COL25A1: variants seen among roughly 807,000 people sequenced by gnomAD.
COL25A1 encodes collagen alpha-1(XXV) chain.
COL25A1 carries 103 observed loss-of-function variants against 128.4 expected under a neutral mutation model. The observed-to-expected ratio is 0.80, with a 90% CI of 0.68 to 0.94. The LOEUF is 0.94. Among genes scored for constraint, COL25A1 ranks in the 40% least tolerant of loss-of-function variants. COL25A1 has a pLI of 0.00. For synonymous variants in COL25A1, 279 were observed against 277.2 expected (o/e 1.01, Z -0.06); for missense variants, 745 against 840.0 (o/e 0.89, Z 1.40).
At chr4:109,173,209 C>T (rs980175135) in intron 3 of COL25A1, among the ~76,000 whole-genome samples, 4 of 151,988 alleles carry the variant, frequency 2.6e-5, no homozygotes, top group African/African-American at 9.7e-5. Flanking sequence ...TTTCAGACCC[C>T]TGAATAGCTA....
intron 3 of COL25A1, among the ~76,000 whole-genome samples, chr4:109,203,530 C>A (rs1016800432): frequency 6.6e-6 from 1 of 151,768 alleles, no homozygotes; most frequent in African/African-American, 2.4e-5. Flanking sequence ...GGGGAAGCTT[C>A]AGGAAAGCAA....
intron 3 of COL25A1, among the ~76,000 whole-genome samples, chr4:109,160,580 C>T (rs543898443): frequency 2.0e-5 from 3 of 152,284 alleles, no homozygotes; most frequent in South Asian, 4.1e-4. Context: ...CTACTACCTA[C>T]AAGATGCCTT....
At chr4:108,895,034 G>C (rs1741966036) in intron 16 of COL25A1, among the ~76,000 whole-genome samples, 1 of 152,092 alleles carries the variant, frequency 6.6e-6, no homozygotes, top group South Asian at 2.1e-4. Context: ...CCCCGTAACA[G>C]AGAATTATCT....
At chr4:109,107,127 A>C (rs1321144849) in intron 3 of COL25A1, among the ~76,000 whole-genome samples, 3 of 152,198 alleles carry the variant, frequency 2.0e-5, no homozygotes, top group African/African-American at 4.8e-5. Context: ...AGTGTAAATC[A>C]TAATGACAAA....
intron 8 of COL25A1, chr4:108,942,164 C>G: frequency 6.5e-7 from 1 of 1,535,328 alleles, no homozygotes; most frequent in Non-Finnish European, 8.8e-7. Flanking sequence ...CACGCTTATG[C>G]TGATTGCATT....
At chr4:109,247,198 C>T (rs946977422) in intron 3 of COL25A1, among the ~76,000 whole-genome samples, 170 of 152,124 alleles carry the variant, frequency 1.1e-3, no homozygotes, top group African/African-American at 4.0e-3. Context: ...ACCCCATCTC[C>T]ACCAAATTAG....
intron 3 of COL25A1, among the ~76,000 whole-genome samples, chr4:109,100,421 A>G (rs1765786933): frequency 6.6e-6 from 1 of 152,002 alleles, no homozygotes. Context: ...TTGTGAGAAA[A>G]AAAAAAAAAG....
At chr4:109,137,982 A>ATGTGTGTGTGTG (rs1418865784) in intron 3 of COL25A1, among the ~76,000 whole-genome samples, 1 of 60,844 alleles carries the variant, frequency 1.6e-5, no homozygotes. Flanking sequence ...TTTTATATAT[A>ATGTGTGTGTGTG]TATGTGTGTG....
rs150571172 is a variant in COL25A1, at chr4:109,255,374, G to C, written c.367+45209C>G. Among the ~76,000 whole-genome samples the C allele has an allele frequency of 3.9e-5, 6 of 152,276 alleles. No homozygotes were observed. In the East Asian group the frequency reaches 1.2e-3, roughly 29 times the overall value. On this transcript the variant is annotated intron_variant, in intron 3 of 37. Transcript: ENST00000399132. ...TGCTAAAACAAACCCAGACCCCACT[G>C]AAGTTGAAAATTTGGTGCAAAGCTC... is the stretch of plus-strand genomic sequence containing the variant.
chr4:109,094,872 A>C (rs1168227172), intron 3 of COL25A1, among the ~76,000 whole-genome samples: 1 of 152,230 alleles, frequency 6.6e-6, no homozygotes, highest in Non-Finnish European at 1.5e-5. Flanking sequence ...AAAACTACAA[A>C]AAGTAAAGCA....
chr4:108,976,162 A>C (rs1752420850), intron 6 of COL25A1, among the ~76,000 whole-genome samples: 1 of 152,110 alleles, frequency 6.6e-6, no homozygotes, highest in Non-Finnish European at 1.5e-5. Flanking sequence ...TTTCCATTTT[A>C]GTTTAGAAGC....
Position 108,852,924 on chromosome 4 carries a change from C to A in COL25A1, c.1322G>T (p.Arg441Met), listed in dbSNP as rs201342548. The A allele has an allele frequency of 2.5e-6, 4 of 1,610,022 alleles. No homozygotes were observed. The East Asian group carries it at 8.9e-5, about 36-fold the overall frequency. Residue 441 changes from arginine (R) to methionine (M), a missense_variant and splice_region_variant, in exon 25 of 38, where the codon AGG (arginine) becomes ATG (methionine). Coordinates refer to ENST00000399132, the MANE Select transcript of COL25A1 (RefSeq NM_198721.4). Reference sequence around the variant, plus strand: ...TACCGTGACAGTTAAGGTGGTAATCCTCTGTTGGGAAAATGTGTTGACAAA... The same window carrying A: ...TACCGTGACAGTTAAGGTGGTAATCATCTGTTGGGAAAATGTGTTGACAAA... ...YNGNLHEALQ[R>M]ITTLTVTGPP...
chr4:109,159,905 T>C (rs974328402), intron 3 of COL25A1, among the ~76,000 whole-genome samples: 2 of 152,004 alleles, frequency 1.3e-5, no homozygotes, highest in African/African-American at 4.8e-5. Flanking sequence ...AATCTACATA[T>C]AATATAGAGG....
At chr4:108,861,829 T>C (rs1737256084) in intron 22 of COL25A1, among the ~76,000 whole-genome samples, 1 of 152,190 alleles carries the variant, frequency 6.6e-6, no homozygotes. Context: ...TTTCTACAGA[T>C]TCCTATAAAC....
At chr4:109,244,965 T>C (rs1397639262) in intron 3 of COL25A1, among the ~76,000 whole-genome samples, 1 of 152,170 alleles carries the variant, frequency 6.6e-6, no homozygotes, top group East Asian at 1.9e-4. Flanking sequence ...AGTCACTTAA[T>C]ACACTGGATA....
intron 8 of COL25A1, among the ~76,000 whole-genome samples, chr4:108,972,298 G>A (rs1231996294): frequency 1.3e-5 from 2 of 152,104 alleles, no homozygotes; most frequent in African/African-American, 4.8e-5. Flanking sequence ...AGAGCCTTTG[G>A]TCATCATCAG....
intron 5 of COL25A1, among the ~76,000 whole-genome samples, chr4:109,014,260 C>T (rs3108322): frequency 0.51 from 77,539 of 151,772 alleles, 22,539 homozygotes; most frequent in African/African-American, 0.78. Context: ...TGAGCTGAGA[C>T]TGTGCCACTG....
chr4:109,256,833 G>T (rs1398923177), intron 3 of COL25A1, among the ~76,000 whole-genome samples: 1 of 152,142 alleles, frequency 6.6e-6, no homozygotes, highest in Non-Finnish European at 1.5e-5. Context: ...TCTATATTCT[G>T]TGATTATTTT....
chr4:109,231,648 A>G (rs1323371158), intron 3 of COL25A1, among the ~76,000 whole-genome samples: 1 of 152,154 alleles, frequency 6.6e-6, no homozygotes, highest in Non-Finnish European at 1.5e-5. Context: ...TCTAAATTCT[A>G]TCCTGACCAT....
Sources: allele counts gnomAD v4.1 joint callset (sites outside exome capture counted in the v4.1 genomes callset), GRCh38; gene constraint gnomAD v4.1.1; transcripts MANE v1.5; gene names NCBI Gene and HGNC (gene_info 2026-07-23, HGNC 2026-07-21).